TC2N: variants seen among roughly 807,000 people sequenced by gnomAD.
The protein encoded by TC2N is tandem C2 domains, nuclear, also known as tandem C2 domains nuclear protein.
In TC2N, 51 loss-of-function variants were observed where a neutral mutation model predicts 61.9. The observed-to-expected ratio is 0.82, with a 90% confidence interval of 0.66 to 1.04. TC2N has a LOEUF of 1.04. TC2N is among the 50% of genes least tolerant of loss of function. TC2N has a pLI of 0.00. For missense variants in TC2N, 556 were observed against 566.7 expected (o/e 0.98, Z 0.19); for synonymous variants, 204 against 192.6 (o/e 1.06, Z -0.49).
intron 1 of TC2N, among the ~76,000 whole-genome samples, chr14:91,821,552 A>G (rs1887254554): frequency 6.6e-6 from 1 of 152,086 alleles, no homozygotes; most frequent in South Asian, 2.1e-4. Context: ...AACTCTTAGA[A>G]GAAAACATAG....
intron 5 of TC2N, 149 bp from the exon 6 acceptor site, chr14:91,799,213 GAAA>G (rs35831554): frequency 2.4e-3 from 949 of 391,268 alleles, no homozygotes; most frequent in South Asian, 5.2e-3. Context: ...ACAGGTAGTG[GAAA>G]AAAAAAAAAA....
At chr14:91,850,949 T>A (rs573337760) in intron 1 of TC2N, among the ~76,000 whole-genome samples, 1 of 151,842 alleles carries the variant, frequency 6.6e-6, no homozygotes, top group East Asian at 1.9e-4. Context: ...AAGAAAAAAA[T>A]ATCTAATGCC....
rs941567541 is a variant in TC2N at position 91,820,270 on chromosome 14, T to C, written c.-56-6445A>G. Among the ~76,000 whole-genome samples, 7 of 152,116 alleles carry C rather than the reference T, an allele frequency of 4.6e-5. 1 individual carries two copies. The East Asian group carries it at 9.6e-4, about 21-fold the overall frequency. On this transcript the variant is annotated intron_variant, in intron 1 of 11. Coordinates refer to ENST00000435962, the MANE Select transcript of TC2N (RefSeq NM_001128596.3). ...AATCCAGAAACGTATAAAAGATTTA[T>C]GTATCATAACCAAGCAAGATTTATC...
At chr14:91,848,380 G>A (rs1482526193) in intron 1 of TC2N, among the ~76,000 whole-genome samples, 1 of 152,166 alleles carries the variant, frequency 6.6e-6, no homozygotes, top group Admixed American at 6.5e-5. Context: ...GGTCTAGCAT[G>A]ATACAGATTG....
rs559117522 is a variant in TC2N, at chr14:91,781,241, T to C, written c.*1859A>G. On this transcript the variant is annotated 3_prime_UTR_variant, in exon 12 of 12. Transcript: ENST00000435962. ...TCTAAAAGCCAGTAAATACATTTAC[T>C]TCTTTGGTACCCATTAAAATAGTTG... is the stretch of plus-strand genomic sequence containing the variant. 7 of 152,294 alleles carry C rather than the reference T, an allele frequency of 4.6e-5. No homozygotes were observed. Among genetic ancestry groups the C allele is most frequent in the African/African-American group, 1.4e-4 (6 of 41,580 alleles). 9.4% of individuals were successfully genotyped at this position (152,294 alleles called of 1,614,324 possible).
rs1885137652 is a variant in TC2N, at chr14:91,781,648, T to C, written c.*1452A>G. ...AGGTGATTTATCTTAAAAATCCATGTGAGTACTGACCTATATGTCATTTTT... is the reference window on the plus strand; with the variant it reads ...AGGTGATTTATCTTAAAAATCCATGCGAGTACTGACCTATATGTCATTTTT... On this transcript the variant is annotated 3_prime_UTR_variant, in exon 12 of 12. Coordinates refer to ENST00000435962, the MANE Select transcript of TC2N (RefSeq NM_001128596.3). The C allele has an allele frequency of 6.6e-6, 1 of 152,130 alleles. No individual in the cohort carries two copies. The highest frequency in any genetic ancestry group is 1.5e-5 in the Non-Finnish European group (1 of 67,978). 9.4% of individuals were successfully genotyped at this position (152,130 alleles called of 1,614,324 possible). A position where few individuals can be genotyped will look rare whatever the true frequency, so the allele number is the denominator to read the frequency against.
chr14:91,823,920 TC>T (rs1887378104), intron 1 of TC2N, among the ~76,000 whole-genome samples: 1 of 152,148 alleles, frequency 6.6e-6, no homozygotes, highest in Non-Finnish European at 1.5e-5. Flanking sequence ...ACAAAACACT[TC>T]TTAGGGCTAT....
chr14:91,805,504 T>C (rs1397219417), intron 3 of TC2N, among the ~76,000 whole-genome samples: 1 of 152,112 alleles, frequency 6.6e-6, no homozygotes, highest in Admixed American at 6.5e-5. Flanking sequence ...CAGTCTCTAC[T>C]AAAAATACAA....
At chr14:91,792,233 AATAATATTATTGC>A in intron 9 of TC2N, 121 bp downstream of exon 9, 1 of 448,536 alleles carries the variant, frequency 2.2e-6, no homozygotes, top group East Asian at 3.4e-5. Context: ...AATATTTGAA[AATAATATTATTGC>A]TACTTGAGAG....
intron 3 of TC2N, among the ~76,000 whole-genome samples, chr14:91,803,571 G>A (rs1187811836): frequency 6.6e-6 from 1 of 151,946 alleles, no homozygotes; most frequent in Non-Finnish European, 1.5e-5. Context: ...TCCTGCCTCA[G>A]CCTCCGAAGT....
chr14:91,789,572 C>T (rs1391808477), intron 9 of TC2N, among the ~76,000 whole-genome samples: 2 of 151,066 alleles, frequency 1.3e-5, no homozygotes, highest in African/African-American at 4.9e-5. Flanking sequence ...GATTGCACCA[C>T]TGCACTCCAG....
At chr14:91,850,534 G>A (rs1888354760) in intron 1 of TC2N, among the ~76,000 whole-genome samples, 1 of 152,206 alleles carries the variant, frequency 6.6e-6, no homozygotes. Context: ...TACCACCTGA[G>A]CTCTGCCTCC....
intron 1 of TC2N, among the ~76,000 whole-genome samples, chr14:91,865,718 G>A (rs1452023303): frequency 1.3e-5 from 2 of 151,966 alleles, no homozygotes; most frequent in African/African-American, 4.8e-5. Context: ...TCAAACACAT[G>A]TCTATAAATT....
chr14:91,865,172 G>A (rs1483131599), intron 1 of TC2N, among the ~76,000 whole-genome samples: 1 of 152,050 alleles, frequency 6.6e-6, no homozygotes, highest in African/African-American at 2.4e-5. Context: ...CACCAAAATG[G>A]CAATTCAGTA....
chr14:91,866,830 A>T (rs1368957303), intron 1 of TC2N, among the ~76,000 whole-genome samples: 5 of 152,216 alleles, frequency 3.3e-5, no homozygotes, highest in African/African-American at 1.2e-4. Flanking sequence ...ATAACATTTG[A>T]TGATTCCCAA....
chr14:91,862,865 A>T (rs1309586870), intron 1 of TC2N, among the ~76,000 whole-genome samples: 1 of 152,238 alleles, frequency 6.6e-6, no homozygotes, highest in African/African-American at 2.4e-5. Context: ...AAGATAACAC[A>T]TTCCAAAGTT....
intron 8 of TC2N, among the ~76,000 whole-genome samples, chr14:91,796,913 A>G (rs188381378): frequency 9.6e-4 from 146 of 152,250 alleles, no homozygotes; most frequent in Admixed American, 5.4e-3. Flanking sequence ...TCTGTATGAC[A>G]CATTTGAAGT....
At chr14:91,807,980 G>A (rs1398549117) in intron 3 of TC2N, among the ~76,000 whole-genome samples, 1 of 152,114 alleles carries the variant, frequency 6.6e-6, no homozygotes, top group East Asian at 1.9e-4. Context: ...ATAAGTCTCA[G>A]ATCTGATGGT....
intron 2 of TC2N, among the ~76,000 whole-genome samples, chr14:91,813,046 AAAGTAC>A (rs555389569): frequency 1.5e-4 from 23 of 151,976 alleles, no homozygotes; most frequent in African/African-American, 5.5e-4. Flanking sequence ...CTGTAGACTG[AAAGTAC>A]AAGTACTATT....
Sources: allele counts gnomAD v4.1 joint callset (sites outside exome capture counted in the v4.1 genomes callset), GRCh38; gene constraint gnomAD v4.1.1; transcripts MANE v1.5; gene names NCBI Gene and HGNC (gene_info 2026-07-23, HGNC 2026-07-21).